DSCAML1: variants seen among roughly 807,000 people sequenced by gnomAD.
The protein encoded by DSCAML1 is DS cell adhesion molecule like 1.
Under a neutral mutation model 200.5 loss-of-function variants are expected in DSCAML1, and 38 were observed. The ratio of observed to expected loss-of-function variants is 0.19; its 90% CI spans 0.15 to 0.25. DSCAML1 has a LOEUF of 0.25. Ranked by LOEUF, DSCAML1 falls within the 10% of genes least tolerant of loss-of-function variation. The pLI, the probability that DSCAML1 is intolerant of heterozygous loss-of-function variation, is 1.00. For synonymous variants in DSCAML1, 1,215 were observed against 1,165.0 expected (o/e 1.04, Z -0.87); for missense variants, 2,223 against 2,858.8 (o/e 0.78, Z 5.07).
At position 117,518,081 on chromosome 11, in the gene DSCAML1, T is replaced by C. The variant is rs983816230; in HGVS notation, c.1510+385A>G. Among the ~76,000 whole-genome samples, 12 of 152,228 alleles carry C rather than the reference T, an allele frequency of 7.9e-5. No individual in the cohort carries two copies. The highest frequency in any genetic ancestry group is 2.9e-4 in the African/African-American group (12 of 41,466). On this transcript the variant is annotated intron_variant, in intron 7 of 32. Transcript: ENST00000651296. The surrounding 1 kb of genome is among the most constrained non-coding windows in gnomAD (Gnocchi z 6.3). ...CAAGCCTGGTCCCCAGCCCCTGCAC[T>C]GTCTTGCCCTTACAAGGCCCTGGTG...
chr11:117,437,387 T>G lies in DSCAML1; in HGVS notation c.4455A>C (p.Gln1485His). The change falls in exon 26 of 33, where the codon CAA (glutamine) becomes CAC (histidine). Residue 1485 changes from glutamine to histidine, a missense_variant. By Grantham distance (24) the Gln-to-His change is conservative. Around this residue, in one of 7 missense-constraint regions of DSCAML1, gnomAD observed 614 missense variants for 739.1 expected, o/e 0.83. Transcript: ENST00000651296. The surrounding 1 kb of genome is among the most constrained non-coding windows in gnomAD (Gnocchi z 5.3). ...HGREPSFSKD[Q>H]HLFTHINSTH... is the part of the protein sequence containing the mutation. ...TGGAGTTGATGTGGGTGAAGAGGTG[T>G]TGGTCTTTGCTGAAGGAGGGCTCTG... 1 of 1,612,772 alleles carries G rather than the reference T, an allele frequency of 6.2e-7. No homozygotes were observed. Among genetic ancestry groups the G allele is most frequent in the South Asian group, 1.1e-5 (1 of 91,052 alleles).
At chr11:117,729,822 G>A (rs979794538) in intron 3 of DSCAML1, among the ~76,000 whole-genome samples, 3 of 152,198 alleles carry the variant, frequency 2.0e-5, no homozygotes, top group African/African-American at 7.2e-5. Context: ...CTGGCAAAAG[G>A]AATGCTGCTG....
intron 3 of DSCAML1, among the ~76,000 whole-genome samples, chr11:117,775,678 C>T (rs958297946): frequency 3.3e-5 from 5 of 152,096 alleles, no homozygotes; most frequent in Non-Finnish European, 7.4e-5. Context: ...AACCACCTAG[C>T]GAGCATTGAA....
intron 3 of DSCAML1, among the ~76,000 whole-genome samples, chr11:117,608,638 T>C (rs1321363245): frequency 2.0e-5 from 3 of 152,238 alleles, no homozygotes; most frequent in South Asian, 4.1e-4. Context: ...ATTTAAATAA[T>C]TCCCCATTGT....
intron 14 of DSCAML1, among the ~76,000 whole-genome samples, chr11:117,476,086 C>G (rs979298673): frequency 6.6e-6 from 1 of 152,162 alleles, no homozygotes; most frequent in Non-Finnish European, 1.5e-5. Flanking sequence ...TCATATGAGC[C>G]TGGCTTACCC....
At chr11:117,728,868 T>C (rs919141677) in intron 3 of DSCAML1, among the ~76,000 whole-genome samples, 9 of 152,170 alleles carry the variant, frequency 5.9e-5, no homozygotes, top group African/African-American at 2.2e-4. Context: ...ACTCCCCAAA[T>C]TGGCCTACAC....
chr11:117,662,545 C>G (rs1348539600), intron 3 of DSCAML1, among the ~76,000 whole-genome samples: 1 of 152,230 alleles, frequency 6.6e-6, no homozygotes, highest in African/African-American at 2.4e-5. Flanking sequence ...GGCAGATGCT[C>G]TCTGAGATCC....
chr11:117,684,830 C>T (rs1410886716), intron 3 of DSCAML1, among the ~76,000 whole-genome samples: 2 of 152,248 alleles, frequency 1.3e-5, no homozygotes, highest in Admixed American at 6.5e-5. Context: ...GTGCTCAGAT[C>T]TTTAGCCAAA....
intron 3 of DSCAML1, among the ~76,000 whole-genome samples, chr11:117,770,671 TAA>T (rs5795106): frequency 0.011 from 1,619 of 148,648 alleles, 13 homozygotes; most frequent in Non-Finnish European, 0.017. Flanking sequence ...AACACAGACC[TAA>T]AAAAAAAAAA....
Position 117,437,410 on chromosome 11 carries a change from C to G in DSCAML1, c.4433-1G>C. The G allele has an allele frequency of 6.2e-7, 1 of 1,610,338 alleles. No homozygotes were observed. The highest frequency in any genetic ancestry group is 8.5e-7 in the Non-Finnish European group (1 of 1,176,930). Reference sequence around the variant, plus strand: ...TGTTGGTCTTTGCTGAAGGAGGGCTCTGGCAGGCCGGAGGGAGAGAGAGAG... The same window carrying G: ...TGTTGGTCTTTGCTGAAGGAGGGCTGTGGCAGGCCGGAGGGAGAGAGAGAG... On this transcript the variant is annotated splice_acceptor_variant, in intron 25 of 32. Transcript: ENST00000651296. LOFTEE classifies it high-confidence loss of function. This position sits in a 1 kb window ranked among gnomAD's most constrained non-coding sequence, Gnocchi z 5.3.
In DSCAML1 at chr11:117,437,366, G is replaced by A. The variant is rs1235688768; in HGVS notation, c.4476C>T (p.Asn1492=). ...GCAGGTTAAGCCGAGCATGCGTGGA[G>A]TTGATGTGGGTGAAGAGGTGTTGGT... The part of the protein sequence containing the change: ...SKDQHLFTHI[N]STHARLNLQG... The change falls in exon 26 of 33, where the codon AAC becomes AAT. Residue 1492 remains asparagine, a synonymous_variant. Coordinates refer to ENST00000651296, the MANE Select transcript of DSCAML1 (RefSeq NM_020693.4). This position sits in a 1 kb window ranked among gnomAD's most constrained non-coding sequence, Gnocchi z 5.3. The A allele has an allele frequency of 1.9e-6, 3 of 1,614,204 alleles. No individual in the cohort carries two copies. The highest frequency in any genetic ancestry group is 1.7e-5 in the Admixed American group (1 of 60,026).
At chr11:117,438,387 C>G (rs1471179342) in intron 24 of DSCAML1, among the ~76,000 whole-genome samples, 1 of 152,078 alleles carries the variant, frequency 6.6e-6, no homozygotes, top group Non-Finnish European at 1.5e-5. Flanking sequence ...GGGGAGAAAA[C>G]CAGAGTTGTG....
At chr11:117,435,995 A>G (rs920156345) in intron 26 of DSCAML1, among the ~76,000 whole-genome samples, 196 bp from the exon 27 acceptor site, 3 of 152,196 alleles carry the variant, frequency 2.0e-5, no homozygotes, top group African/African-American at 4.8e-5. Context: ...ACAGTTGTGT[A>G]GTTTTAATAT....
In DSCAML1 at chr11:117,450,500, CT is replaced by C. The variant is rs1312627941; in HGVS notation, c.3708+48del. 3.8e-6 allele frequency: 6 copies of C among 1,593,792 alleles called. No individual in the cohort carries two copies. In the Admixed American group the frequency reaches 8.7e-5, roughly 23 times the overall value. On this transcript the variant is annotated intron_variant, in intron 20 of 32. Transcript: ENST00000651296. ...GGAAGCCGGCTGATGTACAAGGTCC[CT>C]TTTCTTTTCTTCCATCCCCTTCATC...
At chr11:117,807,702 G>T (rs1030984131) in intron 1 of DSCAML1, among the ~76,000 whole-genome samples, 1 of 152,198 alleles carries the variant, frequency 6.6e-6, no homozygotes, top group Non-Finnish European at 1.5e-5. Context: ...GAAACCTTTG[G>T]GCGGGATGGG....
At chr11:117,510,597 T>C (rs755252224) in intron 8 of DSCAML1, among the ~76,000 whole-genome samples, 5 of 152,146 alleles carry the variant, frequency 3.3e-5, no homozygotes, top group Non-Finnish European at 5.9e-5. Context: ...CTCTCCTGTT[T>C]GACAGGAGAC....
At chr11:117,539,735 A>AAAAT (rs1183304106) in intron 3 of DSCAML1, among the ~76,000 whole-genome samples, 1 of 152,156 alleles carries the variant, frequency 6.6e-6, no homozygotes, top group Admixed American at 6.5e-5. Context: ...CCCAAAATAA[A>AAAAT]AAATAGAATT....
Position 117,642,091 on chromosome 11 carries a change from C to T in DSCAML1, c.512-109569G>A, listed in dbSNP as rs1354992314. 2.0e-5 allele frequency among the ~76,000 whole-genome samples: 3 copies of T among 152,170 alleles called. No homozygotes were observed. Among genetic ancestry groups the T allele is most frequent in the Non-Finnish European group, 4.4e-5 (3 of 68,020 alleles). On this transcript the variant is annotated intron_variant, in intron 3 of 32. Transcript: ENST00000651296. This position sits in a 1 kb window ranked among gnomAD's most constrained non-coding sequence, Gnocchi z 4.1. ...TGAACATCGATGGCAGTCATCTCTA[C>T]CTCACCTGCCCTTACCATTGCCCTC...
intron 3 of DSCAML1, among the ~76,000 whole-genome samples, chr11:117,634,314 G>A (rs188379611): frequency 4.1e-4 from 63 of 152,300 alleles, no homozygotes; most frequent in African/African-American, 1.3e-3. Context: ...AGGAAGACTC[G>A]AGTTCTGGCC....
Sources: gnomAD v4.1 joint callset for allele counts (sites outside exome capture counted in the v4.1 genomes callset) on GRCh38, gnomAD v4.1.1 for gene constraint, gnomAD v4.1.1 regional missense constraint, Gnocchi (gnomAD v3.1) non-coding constraint, MANE v1.5 for transcripts, NCBI Gene and HGNC (gene_info 2026-07-23, HGNC 2026-07-21) for gene names.